Variants in PYGO1 observed in about 807,000 individuals in gnomAD.
PYGO1 encodes the protein pygopus homolog 1.
PYGO1 carries 6 observed loss-of-function variants against 29.5 expected under a neutral mutation model. The observed-to-expected ratio is 0.20, with a 90% CI of 0.11 to 0.40. The LOEUF (loss-of-function observed/expected upper bound fraction) is 0.40. Ranked by LOEUF, PYGO1 falls within the 10% of genes least tolerant of loss-of-function variation. The pLI, the probability that PYGO1 is intolerant of heterozygous loss-of-function variation, is 1.00. For missense variants in PYGO1, 515 were observed against 514.9 expected (o/e 1.00, Z 0.00); for synonymous variants, 186 against 180.5 (o/e 1.03, Z -0.24).
At chr15:55,564,658 C>T (rs1013702649) in intron 1 of PYGO1, among the ~76,000 whole-genome samples, 3 of 152,144 alleles carry the variant, frequency 2.0e-5, no homozygotes, top group Non-Finnish European at 4.4e-5. Context: ...GACTTTTTAG[C>T]ACAGTACTAA....
intron 1 of PYGO1, among the ~76,000 whole-genome samples, chr15:55,566,367 C>T (rs1019013245): frequency 4.0e-5 from 6 of 148,874 alleles, no homozygotes; most frequent in Non-Finnish European, 7.4e-5. Flanking sequence ...ATAACGGCCT[C>T]CAGTTGCATT....
At chr15:55,553,233 C>A (rs1489043079) in intron 1 of PYGO1, among the ~76,000 whole-genome samples, 1 of 152,102 alleles carries the variant, frequency 6.6e-6, no homozygotes, top group Non-Finnish European at 1.5e-5. Flanking sequence ...GAACTCTGAA[C>A]TCTCCCCATG....
chr15:55,564,439 G>T (rs1272892190), intron 1 of PYGO1, among the ~76,000 whole-genome samples: 1 of 152,286 alleles, frequency 6.6e-6, no homozygotes, highest in East Asian at 1.9e-4. Flanking sequence ...GAGTTACATG[G>T]TATCTTTTTG....
intron 1 of PYGO1, among the ~76,000 whole-genome samples, chr15:55,586,691 C>G (rs1318520850): frequency 6.6e-6 from 1 of 152,196 alleles, no homozygotes; most frequent in African/African-American, 2.4e-5. Flanking sequence ...TTTGCTGTTG[C>G]TTTTCAGAGA....
In PYGO1 at chr15:55,584,907, T is replaced by C. The variant is rs149299212; in HGVS notation, c.49+2928A>G. 1.3e-3 allele frequency among the ~76,000 whole-genome samples: 199 copies of C among 152,304 alleles called. 1 individual carries two copies. Among genetic ancestry groups the C allele is most frequent in the African/African-American group, 4.5e-3 (188 of 41,562 alleles). ...TCACACCTTTATAATCTAGGTCTATTAGTGGCATTTCTCAAACTTCAGTAT... is the reference window on the plus strand; with the variant it reads ...TCACACCTTTATAATCTAGGTCTATCAGTGGCATTTCTCAAACTTCAGTAT... On this transcript the variant is annotated intron_variant, in intron 1 of 2. Transcript: ENST00000563719.
Position 55,588,239 on chromosome 15 carries a change from G to T in PYGO1, c.-356C>A, listed in dbSNP as rs1202038971. Among the ~76,000 whole-genome samples, 2 of 149,264 alleles carry T rather than the reference G, an allele frequency of 1.3e-5. No individual in the cohort carries two copies. Among genetic ancestry groups the T allele is most frequent in the South Asian group, 4.2e-4 (2 of 4,812 alleles). On this transcript the variant is annotated 5_prime_UTR_variant, in exon 1 of 3. Coordinates refer to ENST00000563719, the MANE Select transcript of PYGO1 (RefSeq NM_001367806.1). ...CTTCTTCTTCGCCGCCGCCTCAGGAGCCGCTGACAGGGGAAGCAGGAGGCT... is the reference window on the plus strand; with the variant it reads ...CTTCTTCTTCGCCGCCGCCTCAGGATCCGCTGACAGGGGAAGCAGGAGGCT...
At chr15:55,573,102 C>T (rs1004997188) in intron 1 of PYGO1, among the ~76,000 whole-genome samples, 5 of 151,340 alleles carry the variant, frequency 3.3e-5, no homozygotes, top group Non-Finnish European at 7.4e-5. Context: ...GTCAGGAGTT[C>T]GAGACCAGCC....
Position 55,544,912 on chromosome 15 carries a change from T to C in PYGO1, c.*1111A>G. 1 of 152,166 alleles carries C rather than the reference T, an allele frequency of 6.6e-6. No homozygotes were observed. Among genetic ancestry groups the C allele is most frequent in the East Asian group, 1.9e-4 (1 of 5,204 alleles). 9.4% of individuals were successfully genotyped at this position (152,166 alleles called of 1,614,324 possible). ...CTCAAGAGGGTACTCTCAGGTCCAT[T>C]TTTATACTTTTCCCCAGTCAGAGCG... On this transcript the variant is annotated 3_prime_UTR_variant, in exon 3 of 3. Transcript: ENST00000563719.
At chr15:55,583,431 A>G (rs1234073623) in intron 1 of PYGO1, among the ~76,000 whole-genome samples, 1 of 149,444 alleles carries the variant, frequency 6.7e-6, no homozygotes, top group Non-Finnish European at 1.5e-5. Flanking sequence ...GATATTTGCT[A>G]TGTCTTTCTG....
upstream of PYGO1, chr15:55,588,816 CTT>C: frequency 6.2e-7 from 1 of 1,613,904 alleles, no homozygotes; most frequent in Non-Finnish European, 8.5e-7. Flanking sequence ...TGCGAGGAAA[CTT>C]TGTAAGCGGG....
chr15:55,561,025 C>T (rs994917285), intron 1 of PYGO1, among the ~76,000 whole-genome samples: 4 of 152,058 alleles, frequency 2.6e-5, no homozygotes, highest in Non-Finnish European at 5.9e-5. Flanking sequence ...GCCCAAATAG[C>T]CAAGACAATC....
chr15:55,540,047 T>C lies in PYGO1; in HGVS notation c.*5976A>G, dbSNP rs1374614432. The stretch of plus-strand genomic sequence containing the variant: ...TTATTACAATTCTTTTGGGTACTTG[T>C]CTTAATGACAAAATAAGAATGCTTT... On this transcript the variant is annotated 3_prime_UTR_variant, in exon 3 of 3. Coordinates refer to ENST00000563719, the MANE Select transcript of PYGO1 (RefSeq NM_001367806.1). 1 of 152,136 alleles carries C rather than the reference T, an allele frequency of 6.6e-6. No individual in the cohort carries two copies. Among genetic ancestry groups the C allele is most frequent in the African/African-American group, 2.4e-5 (1 of 41,464 alleles). 9.4% of individuals were successfully genotyped at this position (152,136 alleles called of 1,614,324 possible).
At chr15:55,563,903 A>G (rs1199562808) in intron 1 of PYGO1, among the ~76,000 whole-genome samples, 1 of 152,240 alleles carries the variant, frequency 6.6e-6, no homozygotes, top group African/African-American at 2.4e-5. Context: ...AAGACAAATA[A>G]TAACAAGCAT....
At chr15:55,587,600 C>G (rs1358016794) in intron 1 of PYGO1, among the ~76,000 whole-genome samples, 1 of 151,836 alleles carries the variant, frequency 6.6e-6, no homozygotes, top group African/African-American at 2.4e-5. Context: ...GCTTGCGGCT[C>G]CAACTGCCTC....
chr15:55,579,810 ATACT>A (rs2059018415), intron 1 of PYGO1, among the ~76,000 whole-genome samples: 1 of 152,260 alleles, frequency 6.6e-6, no homozygotes, highest in Admixed American at 6.5e-5. Context: ...ATAATTGCTT[ATACT>A]TACTATACAG....
chr15:55,586,678 G>C (rs977739200), intron 1 of PYGO1, among the ~76,000 whole-genome samples: 2 of 152,158 alleles, frequency 1.3e-5, no homozygotes, highest in Non-Finnish European at 2.9e-5. Flanking sequence ...CAGGGGCTTT[G>C]CATTTGCTGT....
At chr15:55,572,164 C>G (rs189065710) in intron 1 of PYGO1, among the ~76,000 whole-genome samples, 1 of 152,176 alleles carries the variant, frequency 6.6e-6, no homozygotes, top group African/African-American at 2.4e-5. Flanking sequence ...TGATTTCATA[C>G]TATATGACAA....
chr15:55,576,672 G>A (rs2059003740), intron 1 of PYGO1, among the ~76,000 whole-genome samples: 1 of 146,250 alleles, frequency 6.8e-6, no homozygotes, highest in Non-Finnish European at 1.5e-5. Flanking sequence ...TCGGGAGGCT[G>A]AGACAGAAGA....
intron 1 of PYGO1, among the ~76,000 whole-genome samples, chr15:55,575,439 G>A (rs1314025671): frequency 1.3e-5 from 2 of 152,116 alleles, no homozygotes; most frequent in African/African-American, 4.8e-5. Context: ...AAATCACTGT[G>A]TTTTTGTAGG....
Sources: gnomAD v4.1 joint callset for allele counts (sites outside exome capture counted in the v4.1 genomes callset) on GRCh38, gnomAD v4.1.1 for gene constraint, MANE v1.5 for transcripts, NCBI Gene and HGNC (gene_info 2026-07-23, HGNC 2026-07-21) for gene names.